The following NUDCD1 variants were observed in gnomAD, a reference collection of about 807,000 sequenced individuals.
NUDCD1 encodes the protein nudC domain-containing protein 1.
A neutral mutation model predicts 67.8 loss-of-function variants in NUDCD1; 60 were observed. That is an observed-to-expected ratio of 0.88 (90% CI 0.72 to 1.10). The LOEUF is 1.10. Ranked by LOEUF, NUDCD1 falls within the 50% of genes least tolerant of loss-of-function variation. The probability of loss-of-function intolerance (pLI) is 0.00; values close to 1 mark genes in which losing one functional copy is unlikely to be tolerated. For missense variants in NUDCD1, 643 were observed against 695.0 expected (o/e 0.93, Z 0.84); for synonymous variants, 244 against 230.8 (o/e 1.06, Z -0.52).
intron 1 of NUDCD1, among the ~76,000 whole-genome samples, chr8:109,323,955 G>T (rs1043339958): frequency 6.6e-6 from 1 of 151,842 alleles, no homozygotes; most frequent in Admixed American, 6.6e-5. Context: ...TACCAAAAAG[G>T]AAACAGAGAA....
chr8:109,275,783 T>C (rs1344733346), intron 6 of NUDCD1, among the ~76,000 whole-genome samples: 1 of 152,120 alleles, frequency 6.6e-6, no homozygotes, highest in Non-Finnish European at 1.5e-5. Context: ...CAGAAAGTAC[T>C]GGTATGCAGT....
chr8:109,310,259 T>C (rs188252790), intron 2 of NUDCD1, among the ~76,000 whole-genome samples: 3 of 152,222 alleles, frequency 2.0e-5, no homozygotes, highest in African/African-American at 7.2e-5. Context: ...TGGTTACTGG[T>C]ATAAAAATAG....
chr8:109,301,459 A>AG (rs1341384811), intron 2 of NUDCD1, among the ~76,000 whole-genome samples: 1 of 152,186 alleles, frequency 6.6e-6, no homozygotes, highest in Non-Finnish European at 1.5e-5. Flanking sequence ...GTTCACACAA[A>AG]GCCTGTTTGG....
At chr8:109,270,155 G>A (rs572212243) in intron 8 of NUDCD1, among the ~76,000 whole-genome samples, 3 of 145,394 alleles carry the variant, frequency 2.1e-5, no homozygotes, top group African/African-American at 7.7e-5. Context: ...AATTCCAGAT[G>A]AATTAATGAG....
chr8:109,241,914 A>C lies in NUDCD1; in HGVS notation c.*1095T>G. 2.5e-6 allele frequency: 1 copy of C among 394,626 alleles called. No individual in the cohort carries two copies. Among genetic ancestry groups the C allele is most frequent in the Non-Finnish European group, 4.5e-6 (1 of 223,770 alleles). The allele number at this position is 394,626 out of a possible 1,614,324, so 24.4% of individuals were successfully genotyped here. ...TTGAAATGGTATAAAAAGTAATAAA[A>C]ATTTCCAGGTACATACATACTAAAA... On this transcript the variant is annotated 3_prime_UTR_variant, in exon 10 of 10. Transcript: ENST00000239690.
At chr8:109,255,212 C>A (rs772669600) in intron 8 of NUDCD1, among the ~76,000 whole-genome samples, 7 of 152,148 alleles carry the variant, frequency 4.6e-5, no homozygotes, top group Non-Finnish European at 1.0e-4. Context: ...TACAGTAATT[C>A]ACATACTATA....
chr8:109,326,736 C>T (rs898039941), intron 1 of NUDCD1, among the ~76,000 whole-genome samples: 8 of 152,238 alleles, frequency 5.3e-5, no homozygotes, highest in African/African-American at 1.9e-4. Context: ...TAGTTTTTCA[C>T]ACATGAAAAC....
At chr8:109,275,551 C>T in intron 6 of NUDCD1, 55 bp from the exon 7 acceptor site, 1 of 1,442,922 alleles carries the variant, frequency 6.9e-7, no homozygotes, top group Non-Finnish European at 9.6e-7. Context: ...ACAAATTATA[C>T]AATCAGTAGC....
chr8:109,310,750 A>C (rs367607243), intron 2 of NUDCD1, among the ~76,000 whole-genome samples: 8 of 152,020 alleles, frequency 5.3e-5, no homozygotes, highest in African/African-American at 1.9e-4. Flanking sequence ...CAGAATCTAC[A>C]ACAGCAAGGA....
intron 6 of NUDCD1, among the ~76,000 whole-genome samples, chr8:109,277,773 T>A (rs1398624877): frequency 6.6e-6 from 1 of 152,232 alleles, no homozygotes; most frequent in East Asian, 1.9e-4. Flanking sequence ...GGTTACTGCT[T>A]GATGACTTAC....
rs372364120 is a variant in NUDCD1 at position 109,285,760 on chromosome 8, A to C, written c.823+3991T>G. Among the ~76,000 whole-genome samples the C allele has an allele frequency of 1.8e-4, 28 of 152,256 alleles. No homozygotes were observed. The East Asian group carries it at 1.9e-3, about 11-fold the overall frequency. On this transcript the variant is annotated intron_variant, in intron 5 of 9. Transcript: ENST00000239690. Reference sequence around the variant, plus strand: ...TCTTGAGAACTGAAACAAGAAAAGCATGCTTACTCTTACTGCTCCTATTCA... The same window carrying C: ...TCTTGAGAACTGAAACAAGAAAAGCCTGCTTACTCTTACTGCTCCTATTCA...
chr8:109,332,924 G>A (rs531778442), intron 1 of NUDCD1, among the ~76,000 whole-genome samples: 1 of 152,220 alleles, frequency 6.6e-6, no homozygotes, highest in South Asian at 2.1e-4. Context: ...AGATATTCAA[G>A]TACTACCATT....
chr8:109,294,169 A>T (rs1171983163), intron 3 of NUDCD1, among the ~76,000 whole-genome samples: 1 of 151,664 alleles, frequency 6.6e-6, no homozygotes, highest in East Asian at 1.9e-4. Context: ...CCTAAACAAG[A>T]TTTCCAAATA....
chr8:109,311,878 C>T (rs965336769), intron 2 of NUDCD1, among the ~76,000 whole-genome samples: 1 of 151,870 alleles, frequency 6.6e-6, no homozygotes, highest in African/African-American at 2.4e-5. Flanking sequence ...TCACAAATCA[C>T]CGTTAAAGAA....
chr8:109,303,779 C>A (rs1034603544), intron 2 of NUDCD1, among the ~76,000 whole-genome samples: 3 of 152,152 alleles, frequency 2.0e-5, no homozygotes, highest in African/African-American at 4.8e-5. Context: ...ATCACCCTTA[C>A]CTCGCTCAAT....
intron 1 of NUDCD1, among the ~76,000 whole-genome samples, chr8:109,333,287 CAA>C (rs536548283): frequency 6.6e-5 from 10 of 152,274 alleles, no homozygotes; most frequent in African/African-American, 2.2e-4. Flanking sequence ...GTTGTAAAAA[CAA>C]GAGTAAGGAT....
intron 8 of NUDCD1, among the ~76,000 whole-genome samples, chr8:109,264,128 G>A (rs991365375): frequency 6.6e-6 from 1 of 152,104 alleles, no homozygotes; most frequent in East Asian, 1.9e-4. Context: ...GAAGCACTTG[G>A]GAATCGTTTG....
chr8:109,309,830 C>A (rs2130090419), intron 2 of NUDCD1, among the ~76,000 whole-genome samples: 1 of 151,748 alleles, frequency 6.6e-6, no homozygotes, highest in African/African-American at 2.4e-5. Flanking sequence ...AAACTGAGAA[C>A]CAGATCAAGA....
chr8:109,264,404 G>T (rs1435254367), intron 8 of NUDCD1, among the ~76,000 whole-genome samples: 1 of 152,088 alleles, frequency 6.6e-6, no homozygotes, highest in Non-Finnish European at 1.5e-5. Context: ...CACTTTTCTG[G>T]TGAGATTAGT....
Sources: allele counts gnomAD v4.1 joint callset (sites outside exome capture counted in the v4.1 genomes callset), GRCh38; gene constraint gnomAD v4.1.1; transcripts MANE v1.5; gene names NCBI Gene and HGNC (gene_info 2026-07-23, HGNC 2026-07-21).